Variants in KCNJ9 observed in about 807,000 individuals in gnomAD.
KCNJ9 encodes potassium inwardly rectifying channel subfamily J member 9.
Under a neutral mutation model 27.9 loss-of-function variants are expected in KCNJ9, and 18 were observed. The ratio of observed to expected loss-of-function variants is 0.65; its 90% CI spans 0.45 to 0.96. KCNJ9 has a LOEUF of 0.96. KCNJ9 is among the 40% of genes least tolerant of loss of function. The pLI, the probability that KCNJ9 is intolerant of heterozygous loss-of-function variation, is 0.00. For synonymous variants in KCNJ9, 229 were observed against 248.2 expected (o/e 0.92, Z 0.73); for missense variants, 324 against 557.5 (o/e 0.58, Z 4.22).
Position 160,084,167 on chromosome 1 carries a change from C to T in KCNJ9, c.137C>T (p.Thr46Met), listed in dbSNP as rs201268233. 1.9e-6 allele frequency: 3 copies of T among 1,602,302 alleles called. No individual in the cohort carries two copies. Among genetic ancestry groups the T allele is most frequent in the East Asian group, 2.3e-5 (1 of 44,306 alleles). Residue 46 changes from threonine (T) to methionine (M), a missense_variant, in exon 2 of 3, where the codon ACG becomes ATG. This residue lies in a region of KCNJ9 where 241 missense variants were observed against 481.7 expected (regional missense o/e 0.50). Coordinates refer to ENST00000368088, the MANE Select transcript of KCNJ9 (RefSeq NM_004983.3). ...GTGCGCGAGACATACCGCTACCTGACGGACCTGTTCACCACGCTGGTGGAC... is the reference window on the plus strand; with the variant it reads ...GTGCGCGAGACATACCGCTACCTGATGGACCTGTTCACCACGCTGGTGGAC... ...GNVRETYRYLTDLFTTLVDLQ... is the reference protein window; with the variant it reads ...GNVRETYRYLMDLFTTLVDLQ...
intron 2 of KCNJ9, 82 bp from the exon 3 acceptor site, chr1:160,087,404 G>T: frequency 1.3e-6 from 2 of 1,481,520 alleles, no homozygotes; most frequent in Admixed American, 2.3e-5. Flanking sequence ...AAGGGAGGGT[G>T]CTGGGAGTAG....
rs1175779780 is a variant in KCNJ9 at position 160,090,542 on chromosome 1, A to C, written c.*2725A>C. 2.0e-5 allele frequency: 3 copies of C among 152,262 alleles called. No homozygotes were observed. Among genetic ancestry groups the C allele is most frequent in the Non-Finnish European group, 4.4e-5 (3 of 68,054 alleles). The allele number at this position is 152,262 out of a possible 1,614,324, so 9.4% of individuals were successfully genotyped here. A position where few individuals can be genotyped will look rare whatever the true frequency, so the allele number is the denominator to read the frequency against. ...TGACAGCAAACTCGTAATGCTCAAT[A>C]AATGTTTAAATAACAACTGAAGGAG... On this transcript the variant is annotated 3_prime_UTR_variant, in exon 3 of 3. Coordinates refer to ENST00000368088, the MANE Select transcript of KCNJ9 (RefSeq NM_004983.3).
Position 160,084,539 on chromosome 1 carries a change from C to T in KCNJ9, c.509C>T (p.Thr170Met). 1 of 1,612,392 alleles carries T rather than the reference C, an allele frequency of 6.2e-7. No individual in the cohort carries two copies. The highest frequency in any genetic ancestry group is 8.5e-7 in the Non-Finnish European group (1 of 1,179,378). ...TCGCAGCCCAACAAGCGCGCAGCCA[C>T]GCTCGTCTTCTCCTCGCACGCCGTG... ...KISQPNKRAA[T>M]LVFSSHAVVS... The change falls in exon 2 of 3, where the codon ACG becomes ATG. Residue 170 changes from threonine to methionine, a missense_variant. This residue lies in a region of KCNJ9 where 241 missense variants were observed against 481.7 expected (regional missense o/e 0.50). Coordinates refer to ENST00000368088, the MANE Select transcript of KCNJ9 (RefSeq NM_004983.3).
chr1:160,087,273 G>A (rs2101947774), intron 2 of KCNJ9, among the ~76,000 whole-genome samples: 1 of 152,216 alleles, frequency 6.6e-6, no homozygotes, highest in African/African-American at 2.4e-5. Context: ...AAAAAGAGCT[G>A]GACATTAAGA....
chr1:160,085,515 G>T (rs1002361505), intron 2 of KCNJ9, among the ~76,000 whole-genome samples: 3 of 152,204 alleles, frequency 2.0e-5, no homozygotes, highest in Admixed American at 1.3e-4. Flanking sequence ...CTTGAGGGGA[G>T]TTTAATACCT....
rs1301207809 is a variant in KCNJ9 at position 160,088,122 on chromosome 1, G to C, written c.*305G>C. On this transcript the variant is annotated 3_prime_UTR_variant, in exon 3 of 3. Coordinates refer to ENST00000368088, the MANE Select transcript of KCNJ9 (RefSeq NM_004983.3). ...TGGACTTTTGGGGGTTGGATGGGAA[G>C]ATGGTAGCAGATAAAGACAGCTGAC... 4 of 329,208 alleles carry C rather than the reference G, an allele frequency of 1.2e-5. No homozygotes were observed. Among genetic ancestry groups the C allele is most frequent in the Non-Finnish European group, 2.2e-5 (4 of 181,504 alleles). 20.4% of individuals were successfully genotyped at this position (329,208 alleles called of 1,614,324 possible).
chr1:160,088,004 G>A lies in KCNJ9; in HGVS notation c.*187G>A. 1 of 486,342 alleles carries A rather than the reference G, an allele frequency of 2.1e-6. No homozygotes were observed. The highest frequency in any genetic ancestry group is 3.3e-6 in the Non-Finnish European group (1 of 298,534). The allele number at this position is 486,342 out of a possible 1,614,324, so 30.1% of individuals were successfully genotyped here. On this transcript the variant is annotated 3_prime_UTR_variant, in exon 3 of 3. Coordinates refer to ENST00000368088, the MANE Select transcript of KCNJ9 (RefSeq NM_004983.3). ...AACCAGTATGGAAGGGAGGGGTCCT[G>A]ATTTCAGGGAAATGGAGGGTGGGGC...
chr1:160,084,732 G>A lies in KCNJ9; in HGVS notation c.702G>A (p.Thr234=), dbSNP rs1273428606. The part of the protein sequence containing the change: ...HQTDLSVGFD[T]GDDRLFLVSP... Reference sequence around the variant, plus strand: ...CCGACCTCAGCGTGGGCTTCGACACGGGAGACGACCGCCTCTTCCTCGTCT... The same window carrying A: ...CCGACCTCAGCGTGGGCTTCGACACAGGAGACGACCGCCTCTTCCTCGTCT... Residue 234 remains threonine (T), a synonymous_variant, in exon 2 of 3, where the codon ACG becomes ACA. Coordinates refer to ENST00000368088, the MANE Select transcript of KCNJ9 (RefSeq NM_004983.3). 6.3e-7 allele frequency: 1 copy of A among 1,585,760 alleles called. No individual in the cohort carries two copies. Among genetic ancestry groups the A allele is most frequent in the Admixed American group, 1.8e-5 (1 of 56,536 alleles).
chr1:160,086,865 T>A (rs1649786478), intron 2 of KCNJ9, among the ~76,000 whole-genome samples: 1 of 152,092 alleles, frequency 6.6e-6, no homozygotes, highest in Non-Finnish European at 1.5e-5. Flanking sequence ...AAAAGTAGAG[T>A]TCTGGAAAAC....
At chr1:160,083,809 G>A in intron 1 of KCNJ9, 108 bp from the exon 2 acceptor site, 1 of 304,090 alleles carries the variant, frequency 3.3e-6, no homozygotes. Context: ...TAGAGGCCAG[G>A]CAACACGAAG....
chr1:160,083,928 C>A lies in KCNJ9; in HGVS notation c.-103C>A, dbSNP rs965791048. On this transcript the variant is annotated 5_prime_UTR_variant, in exon 2 of 3. Transcript: ENST00000368088. ...AAACCTTTATTAAGCCCCTCCAGGA[C>A]CCCCGACGCCGCCTAGGCGCCCAGC... is the stretch of plus-strand genomic sequence containing the variant. The A allele has an allele frequency of 2.8e-6, 3 of 1,079,000 alleles. No homozygotes were observed. The highest frequency in any genetic ancestry group is 4.7e-5 in the South Asian group (1 of 21,348). 66.8% of individuals were successfully genotyped at this position (1,079,000 alleles called of 1,614,324 possible).
At chr1:160,083,352 G>A (rs1421591063) in intron 1 of KCNJ9, among the ~76,000 whole-genome samples, 1 of 152,190 alleles carries the variant, frequency 6.6e-6, no homozygotes, top group South Asian at 2.1e-4. Flanking sequence ...AGCATGTTGA[G>A]GGGAGGGAAT....
intron 2 of KCNJ9, 146 bp downstream of exon 2, chr1:160,085,026 C>A (rs1317311877): frequency 3.1e-6 from 3 of 967,660 alleles, no homozygotes; most frequent in African/African-American, 1.6e-5. Context: ...AGACAGGGGT[C>A]GGAGGCGGGA....
chr1:160,082,449 T>C (rs1376366984), intron 1 of KCNJ9, among the ~76,000 whole-genome samples: 1 of 152,098 alleles, frequency 6.6e-6, no homozygotes, highest in Non-Finnish European at 1.5e-5. Context: ...GCCCCTAAGC[T>C]CAAAGCCATT....
rs770518455 is a variant in KCNJ9, at chr1:160,087,722, G to A, written c.1087G>A (p.Glu363Lys). The A allele has an allele frequency of 9.6e-6, 11 of 1,143,328 alleles. No individual in the cohort carries two copies. Among genetic ancestry groups the A allele is most frequent in the Non-Finnish European group, 3.5e-6 (3 of 850,342 alleles). The allele number at this position is 1,143,328 out of a possible 1,614,324, so 70.8% of individuals were successfully genotyped here. ...CAGCCGGCTGGATGAGAAGGTGGAGGAGGAGGGGGCGGGGGAGGGGGCGGG... is the reference window on the plus strand; with the variant it reads ...CAGCCGGCTGGATGAGAAGGTGGAGAAGGAGGGGGCGGGGGAGGGGGCGGG... ...IPSRLDEKVE[E>K]EGAGEGAGGE... is the part of the protein sequence containing the mutation. Residue 363 changes from glutamate to lysine, a missense_variant, in exon 3 of 3, where the codon GAG (glutamate) becomes AAG (lysine). Physicochemically the swap from Glu to Lys is moderately conservative, Grantham distance 56 (BLOSUM62 1). Around this residue, in one of 3 missense-constraint regions of KCNJ9, gnomAD observed 51 missense variants for 44.1 expected, o/e 1.16. Transcript: ENST00000368088.
Position 160,089,333 on chromosome 1 carries a change from G to C in KCNJ9, c.*1516G>C, listed in dbSNP as rs1482291014. On this transcript the variant is annotated 3_prime_UTR_variant, in exon 3 of 3. Transcript: ENST00000368088. ...AGCCCAGGCTGAAGAGTTTAACTTTGGGCCCAGAAACTCAACCATCAATGG... is the reference window on the plus strand; with the variant it reads ...AGCCCAGGCTGAAGAGTTTAACTTTCGGCCCAGAAACTCAACCATCAATGG... The C allele has an allele frequency of 1.3e-5, 2 of 152,262 alleles. No individual in the cohort carries two copies. The allele number at this position is 152,262 out of a possible 1,614,324, so 9.4% of individuals were successfully genotyped here.
At position 160,089,177 on chromosome 1, in the gene KCNJ9, G is replaced by A. The variant is rs1444964219; in HGVS notation, c.*1360G>A. On this transcript the variant is annotated 3_prime_UTR_variant, in exon 3 of 3. Coordinates refer to ENST00000368088, the MANE Select transcript of KCNJ9 (RefSeq NM_004983.3). ...AGTGAATACTTGGAAGTCGTTTCAG[G>A]ACATGGGGCATAGAAACTGAGGAGT... 6.6e-6 allele frequency: 1 copy of A among 152,332 alleles called. No homozygotes were observed. Among genetic ancestry groups the A allele is most frequent in the Non-Finnish European group, 1.5e-5 (1 of 68,128 alleles). The allele number at this position is 152,332 out of a possible 1,614,324, so 9.4% of individuals were successfully genotyped here. A position where few individuals can be genotyped will look rare whatever the true frequency, so the allele number is the denominator to read the frequency against.
intron 1 of KCNJ9, among the ~76,000 whole-genome samples, chr1:160,082,914 G>A (rs551984550): frequency 7.9e-5 from 12 of 152,008 alleles, no homozygotes; most frequent in Non-Finnish European, 1.8e-4. Flanking sequence ...CGCTTGGAAT[G>A]TGGGCTTTGG....
intron 2 of KCNJ9, 127 bp downstream of exon 2, chr1:160,085,007 A>G: frequency 9.2e-7 from 1 of 1,091,388 alleles, no homozygotes; most frequent in Admixed American, 2.8e-5. Flanking sequence ...AGGATGAGAC[A>G]GTGAGGTGAG....
Sources: allele counts gnomAD v4.1 joint callset (sites outside exome capture counted in the v4.1 genomes callset), GRCh38; gene constraint gnomAD v4.1.1; regional missense constraint gnomAD v4.1.1; transcripts MANE v1.5; gene names NCBI Gene and HGNC (gene_info 2026-07-23, HGNC 2026-07-21).